MAML2: variants seen among roughly 807,000 people sequenced by gnomAD.
MAML2 encodes mastermind-like protein 2.
Under a neutral mutation model 96.1 loss-of-function variants are expected in MAML2, and 22 were observed. The observed-to-expected ratio is 0.23, with a 90% confidence interval of 0.16 to 0.33. The LOEUF is 0.33. Ranked by LOEUF, MAML2 falls within the 10% of genes least tolerant of loss-of-function variation. MAML2 has a pLI of 1.00. For synonymous variants in MAML2, 561 were observed against 521.3 expected, an observed-to-expected ratio of 1.08 and a Z score of -1.04; for missense variants, 1,367 against 1,392.4, an observed-to-expected ratio of 0.98 and a Z score of 0.29.
intron 2 of MAML2, among the ~76,000 whole-genome samples, chr11:96,056,101 G>A (rs943084028): frequency 6.6e-6 from 1 of 152,140 alleles, no homozygotes; most frequent in Non-Finnish European, 1.5e-5. Flanking sequence ...CACCTCCCTG[G>A]AAGGCGGTTT....
chr11:96,196,455 T>C (rs983688887), intron 1 of MAML2, among the ~76,000 whole-genome samples: 3 of 152,206 alleles, frequency 2.0e-5, no homozygotes, highest in African/African-American at 7.2e-5. Flanking sequence ...TGATGATCCG[T>C]GGATACAGAA....
intron 1 of MAML2, among the ~76,000 whole-genome samples, chr11:96,112,636 T>G (rs75086435): frequency 0.02 from 3,090 of 152,336 alleles, 104 homozygotes; most frequent in African/African-American, 0.07. Context: ...CTGATTCTAC[T>G]TTCTAGGTAA....
At position 95,978,426 on chromosome 11, in the gene MAML2, A is replaced by G. The variant is rs1857681160; in HGVS notation, c.*522T>C. The stretch of plus-strand genomic sequence containing the variant: ...GTTCTCTGGCTTTTTCTTAATTTGC[A>G]TACTGTTTGGTTACTCCAAACAAAC... On this transcript the variant is annotated 3_prime_UTR_variant, in exon 5 of 5. Transcript: ENST00000524717. 1 of 196,882 alleles carries G rather than the reference A, an allele frequency of 5.1e-6. No homozygotes were observed. Among genetic ancestry groups the G allele is most frequent in the African/African-American group, 2.3e-5 (1 of 43,376 alleles). 12.2% of individuals were successfully genotyped at this position (196,882 alleles called of 1,614,324 possible).
Position 96,093,455 on chromosome 11 carries a change from G to T in MAML2, c.576C>A (p.Pro192=), listed in dbSNP as rs1295195180. ...GAAATGAGTTGTCCACAAAGCCATT[G>T]GGTCGCTTGCTGTTGGCAGGAGATA... ...VNLSPANSKR[P]NGFVDNSFLD... is the part of the protein sequence containing the mutation. Residue 192 remains proline, a synonymous_variant, in exon 2 of 5, where the codon CCC becomes CCA. Coordinates refer to ENST00000524717, the MANE Select transcript of MAML2 (RefSeq NM_032427.4). 6.2e-7 allele frequency: 1 copy of T among 1,613,972 alleles called. No homozygotes were observed. Among genetic ancestry groups the T allele is most frequent in the African/African-American group, 1.3e-5 (1 of 75,036 alleles).
At chr11:96,337,369 C>T (rs1863934283) in intron 1 of MAML2, among the ~76,000 whole-genome samples, 1 of 152,220 alleles carries the variant, frequency 6.6e-6, no homozygotes, top group South Asian at 2.1e-4. Flanking sequence ...AACCAGGGTA[C>T]TCTGGCAATG....
chr11:96,335,316 A>G (rs1863906194), intron 1 of MAML2, among the ~76,000 whole-genome samples: 2 of 152,220 alleles, frequency 1.3e-5, no homozygotes, highest in Admixed American at 6.5e-5. Context: ...ACATTAGTAT[A>G]CAGGCAAACT....
intron 1 of MAML2, among the ~76,000 whole-genome samples, chr11:96,121,909 C>G (rs1355165188): frequency 1.4e-5 from 2 of 143,110 alleles, no homozygotes; most frequent in Non-Finnish European, 1.5e-5. Flanking sequence ...GCTCCAGCCT[C>G]CCTAGCAGCT....
chr11:95,990,316 A>G (rs949478480), intron 3 of MAML2, among the ~76,000 whole-genome samples: 5 of 152,050 alleles, frequency 3.3e-5, no homozygotes, highest in South Asian at 2.1e-4. Flanking sequence ...CTCAAGCCCT[A>G]TCCTCCTGCT....
chr11:96,337,090 A>G (rs1440866444), intron 1 of MAML2, among the ~76,000 whole-genome samples: 2 of 152,166 alleles, frequency 1.3e-5, no homozygotes, highest in African/African-American at 4.8e-5. Context: ...GAGATCTTAT[A>G]ATTATATTTA....
At position 96,342,728 on chromosome 11, in the gene MAML2, A is replaced by G. The variant is rs966886702; in HGVS notation, c.-833T>C. 2 of 327,018 alleles carry G rather than the reference A, an allele frequency of 6.1e-6. No homozygotes were observed. The highest frequency in any genetic ancestry group is 1.1e-5 in the Non-Finnish European group (2 of 181,402). The allele number at this position is 327,018 out of a possible 1,614,324, so 20.3% of individuals were successfully genotyped here. On this transcript the variant is annotated 5_prime_UTR_variant, in exon 1 of 5. Transcript: ENST00000524717. ...CACCGGTAAAATCCTCACTCCCTCTAAGGTTTCCTAGCCTTAAATGAAAAG... is the reference window on the plus strand; with the variant it reads ...CACCGGTAAAATCCTCACTCCCTCTGAGGTTTCCTAGCCTTAAATGAAAAG...
At chr11:96,336,808 G>A (rs1363944409) in intron 1 of MAML2, among the ~76,000 whole-genome samples, 2 of 152,130 alleles carry the variant, frequency 1.3e-5, no homozygotes, top group Non-Finnish European at 2.9e-5. Flanking sequence ...ACATCTGAAA[G>A]CCCATATTTA....
chr11:96,039,963 CAA>C (rs67545681), intron 2 of MAML2, among the ~76,000 whole-genome samples: 4,552 of 104,564 alleles, frequency 0.044, 185 homozygotes, highest in African/African-American at 0.12. Context: ...GACTCTGTCT[CAA>C]AAAAAAAAAA....
chr11:96,147,958 T>C (rs1448487193), intron 1 of MAML2, among the ~76,000 whole-genome samples: 1 of 152,206 alleles, frequency 6.6e-6, no homozygotes, highest in Non-Finnish European at 1.5e-5. Flanking sequence ...TCAGGGGCTT[T>C]AGGCATAATG....
chr11:96,334,924 C>A (rs757565558), intron 1 of MAML2, among the ~76,000 whole-genome samples: 15 of 152,208 alleles, frequency 9.9e-5, no homozygotes, highest in African/African-American at 1.4e-4. Flanking sequence ...ATGTGAACTT[C>A]TCTCTTCATG....
intron 1 of MAML2, among the ~76,000 whole-genome samples, chr11:96,318,831 T>C (rs1189801162): frequency 1.3e-5 from 2 of 152,224 alleles, no homozygotes; most frequent in Non-Finnish European, 2.9e-5. Flanking sequence ...TTCAGTGGTA[T>C]AACCTTCCTT....
chr11:96,257,347 A>C (rs1862682342), intron 1 of MAML2, among the ~76,000 whole-genome samples: 2 of 152,216 alleles, frequency 1.3e-5, no homozygotes, highest in Non-Finnish European at 2.9e-5. Flanking sequence ...TTGGACTGTA[A>C]GTTCTTGAAA....
chr11:96,023,146 C>G (rs1221300304), intron 2 of MAML2, among the ~76,000 whole-genome samples: 4 of 152,140 alleles, frequency 2.6e-5, no homozygotes, highest in Non-Finnish European at 5.9e-5. Context: ...ATGGACGATC[C>G]CTGGCAGGCC....
chr11:96,098,591 C>T (rs1381721291), intron 1 of MAML2, among the ~76,000 whole-genome samples: 1 of 152,230 alleles, frequency 6.6e-6, no homozygotes. Flanking sequence ...ACAGAAATCA[C>T]TGTACTTTCT....
At chr11:96,149,214 C>T (rs1860877350) in intron 1 of MAML2, among the ~76,000 whole-genome samples, 1 of 151,790 alleles carries the variant, frequency 6.6e-6, no homozygotes, top group South Asian at 2.1e-4. Context: ...GAGTTTGAGA[C>T]CAGCCTGGCC....
Sources: allele counts gnomAD v4.1 joint callset (sites outside exome capture counted in the v4.1 genomes callset), GRCh38; gene constraint gnomAD v4.1.1; transcripts MANE v1.5; gene names NCBI Gene and HGNC (gene_info 2026-07-23, HGNC 2026-07-21).